N4BP3: variants seen among roughly 807,000 people sequenced by gnomAD.
N4BP3 encodes the protein NEDD4-binding protein 3.
A neutral mutation model predicts 43.8 loss-of-function variants in N4BP3; 33 were observed. That is an observed-to-expected ratio of 0.75 (90% CI 0.57 to 1.01). The LOEUF (loss-of-function observed/expected upper bound fraction) is 1.01. Among genes scored for constraint, N4BP3 ranks in the 50% least tolerant of loss-of-function variants. N4BP3 has a pLI of 0.00. For synonymous variants in N4BP3, 326 were observed against 321.9 expected, an observed-to-expected ratio of 1.01 and a Z score of -0.14; for missense variants, 756 against 744.2, an observed-to-expected ratio of 1.02 and a Z score of -0.18.
In N4BP3 at chr5:178,120,294, G is replaced by T; in HGVS notation, c.447G>T (p.Leu149=). The T allele has an allele frequency of 3.1e-6, 5 of 1,609,274 alleles. No individual in the cohort carries two copies. Among genetic ancestry groups the T allele is most frequent in the Non-Finnish European group, 4.2e-6 (5 of 1,178,076 alleles). ...AGCTGTGGCGCAGCAATGGCAGCCT[G>T]CACACGCTGGCCTGCCACCCGCCCC... ...GQKLWRSNGS[L]HTLACHPPLS... The change falls in exon 3 of 5, where the codon CTG becomes CTT. Residue 149 remains leucine (L), a synonymous_variant. Coordinates refer to ENST00000274605, the MANE Select transcript of N4BP3 (RefSeq NM_015111.2).
intron 1 of N4BP3, among the ~76,000 whole-genome samples, chr5:178,119,153 C>T (rs554917494): frequency 1.1e-3 from 167 of 152,294 alleles, no homozygotes; most frequent in African/African-American, 3.6e-3. Context: ...CGTGAGCCAC[C>T]GCGCCCGGCC....
intron 1 of N4BP3, among the ~76,000 whole-genome samples, chr5:178,116,523 C>T (rs906460552): frequency 4.6e-5 from 7 of 152,134 alleles, no homozygotes; most frequent in African/African-American, 1.7e-4. Context: ...CTGGGCTGCT[C>T]CTGCTTTGTC....
At chr5:178,119,994 G>T in intron 2 of N4BP3, 81 bp downstream of exon 2, 2 of 1,491,890 alleles carry the variant, frequency 1.3e-6, no homozygotes, top group Non-Finnish European at 1.8e-6. Context: ...ATGGGGTGGG[G>T]ACGGGGCATG....
rs757187148 is a variant in N4BP3 at position 178,119,903 on chromosome 5, G to T, written c.320G>T (p.Arg107Leu). 1.9e-6 allele frequency: 3 copies of T among 1,603,576 alleles called. No homozygotes were observed. The South Asian group carries it at 3.3e-5, about 18-fold the overall frequency. The change falls in exon 2 of 5, where the codon CGC becomes CTC. Residue 107 changes from arginine to leucine, a missense_variant. Transcript: ENST00000274605. Reference sequence around the variant, plus strand: ...AAGACCTCGCTGCCAGAACGGGGTCGCTTTGACAAGGTGCACCTTTGCCCA... The same window carrying T: ...AAGACCTCGCTGCCAGAACGGGGTCTCTTTGACAAGGTGCACCTTTGCCCA... ...FSKTSLPERGRFDKCRIRPSV... is the reference protein window; with the variant it reads ...FSKTSLPERGLFDKCRIRPSV...
rs1414905691 is a variant in N4BP3 at position 178,118,958 on chromosome 5, C to T, written c.-30-596C>T. Among the ~76,000 whole-genome samples, 1 of 151,880 alleles carries T rather than the reference C, an allele frequency of 6.6e-6. No homozygotes were observed. The highest frequency in any genetic ancestry group is 2.4e-5 in the African/African-American group (1 of 41,322). ...TCGGCTCACTGCAAGCTCTGCCTCC[C>T]AGGTTCATGCCATTCTCCAGCCTCA... On this transcript the variant is annotated intron_variant, in intron 1 of 4. Coordinates refer to ENST00000274605, the MANE Select transcript of N4BP3 (RefSeq NM_015111.2). This position sits in a 1 kb window ranked among gnomAD's most constrained non-coding sequence, Gnocchi z 5.4.
chr5:178,121,331 A>AGAGGAG lies in N4BP3; in HGVS notation c.1089_1094dup (p.Glu364_Glu365dup). On this transcript the variant is annotated inframe_insertion, in exon 4 of 5. Transcript: ENST00000274605. ...CAGAGGCTGACCCCAGTGCACGACC[A>AGAGGAG]GAGGAGGAAGCCCGATGGGAGGTGA... The AGAGGAG allele has an allele frequency of 6.2e-7, 1 of 1,602,340 alleles. No homozygotes were observed. The highest frequency in any genetic ancestry group is 2.2e-5 in the East Asian group (1 of 44,630).
rs903936469 is a variant in N4BP3 at position 178,123,790 on chromosome 5, T to G, written c.*1789T>G. ...TGGGTTGGAGACAGTGCAGGCCCCT[T>G]CTTGGCCCCACCCTCTACCCCATTC... On this transcript the variant is annotated 3_prime_UTR_variant, in exon 5 of 5. Coordinates refer to ENST00000274605, the MANE Select transcript of N4BP3 (RefSeq NM_015111.2). 3 of 152,884 alleles carry G rather than the reference T, an allele frequency of 2.0e-5. No individual in the cohort carries two copies. The highest frequency in any genetic ancestry group is 7.2e-5 in the African/African-American group (3 of 41,424). The allele number at this position is 152,884 out of a possible 1,614,324, so 9.5% of individuals were successfully genotyped here. A position where few individuals can be genotyped will look rare whatever the true frequency, so the allele number is the denominator to read the frequency against.
chr5:178,117,885 C>T (rs1757809667), intron 1 of N4BP3, among the ~76,000 whole-genome samples: 1 of 152,046 alleles, frequency 6.6e-6, no homozygotes, highest in South Asian at 2.1e-4. Flanking sequence ...GGGGTTGGGG[C>T]AGGTCCCCCT....
At chr5:178,120,103 G>A (rs1208455456) in intron 2 of N4BP3, 75 bp from the exon 3 acceptor site, 14 of 1,514,020 alleles carry the variant, frequency 9.2e-6, no homozygotes, top group East Asian at 9.1e-5. Context: ...CTCAGGGGCT[G>A]TGAGAGCATC....
chr5:178,121,763 A>G lies in N4BP3; in HGVS notation c.1397A>G (p.Glu466Gly). 5 of 1,608,372 alleles carry G rather than the reference A, an allele frequency of 3.1e-6. No homozygotes were observed. Among genetic ancestry groups the G allele is most frequent in the Non-Finnish European group, 3.4e-6 (4 of 1,179,742 alleles). Residue 466 changes from glutamate (E) to glycine (G), a missense_variant, in exon 5 of 5, where the codon GAG becomes GGG. Coordinates refer to ENST00000274605, the MANE Select transcript of N4BP3 (RefSeq NM_015111.2). The stretch of plus-strand genomic sequence containing the variant: ...GGCAGCGAGGCCAGAGACAGTGCTG[A>G]GCAGCTGCGGGCTGAGCTGCTGCAG... ...AGGSEARDSA[E>G]QLRAELLQER... is the part of the protein sequence containing the mutation.
Position 178,121,453 on chromosome 5 carries a change from TG to T in N4BP3, c.1108-20del. The T allele has an allele frequency of 1.2e-6, 2 of 1,613,752 alleles. No homozygotes were observed. Among genetic ancestry groups the T allele is most frequent in the Non-Finnish European group, 1.7e-6 (2 of 1,179,942 alleles). ...CCGGCTCCCCACACCCTACTTTGCTTGCGTCCTCCCCATCCCCCAGGTGTGC... is the reference window on the plus strand; with the variant it reads ...CCGGCTCCCCACACCCTACTTTGCTTCGTCCTCCCCATCCCCCAGGTGTGC... On this transcript the variant is annotated intron_variant, in intron 4 of 4. Transcript: ENST00000274605.
rs372549847 is a variant in N4BP3, at chr5:178,121,635, C to T, written c.1269C>T (p.Arg423=). The part of the protein sequence containing the change: ...QAQDAELVRL[R]EAVRSLQEQA... ...AGGACGCAGAGCTGGTCCGGCTGCG[C>T]GAGGCTGTGCGCAGCCTGCAGGAGC... is the stretch of plus-strand genomic sequence containing the variant. The change falls in exon 5 of 5, where the codon CGC becomes CGT. Residue 423 remains arginine, a synonymous_variant. Coordinates refer to ENST00000274605, the MANE Select transcript of N4BP3 (RefSeq NM_015111.2). 31 of 1,612,564 alleles carry T rather than the reference C, an allele frequency of 1.9e-5. No homozygotes were observed. The highest frequency in any genetic ancestry group is 6.6e-5 in the South Asian group (6 of 91,044).
At chr5:178,119,934 C>T in intron 2 of N4BP3, 21 bp downstream of exon 2, 4 of 1,577,818 alleles carry the variant, frequency 2.5e-6, no homozygotes, top group Non-Finnish European at 3.4e-6. Context: ...GCCCATGCCC[C>T]TTACAAGGTG....
chr5:178,117,155 G>GCGGAGC (rs1414924277), intron 1 of N4BP3, among the ~76,000 whole-genome samples: 1 of 152,138 alleles, frequency 6.6e-6, no homozygotes, highest in Non-Finnish European at 1.5e-5. Flanking sequence ...ATGGCAAAAG[G>GCGGAGC]CGGAGCATTT....
chr5:178,114,959 G>A (rs1364708351), intron 1 of N4BP3, among the ~76,000 whole-genome samples: 2 of 152,212 alleles, frequency 1.3e-5, no homozygotes, highest in African/African-American at 2.4e-5. Context: ...TGCCCATGGA[G>A]GGGAACCCGT....
chr5:178,115,485 C>G (rs567126004), intron 1 of N4BP3, among the ~76,000 whole-genome samples: 158 of 152,346 alleles, frequency 1.0e-3, no homozygotes, highest in African/African-American at 3.8e-3. Flanking sequence ...GTAGCCAGGG[C>G]AGGCAGCACT....
Position 178,121,156 on chromosome 5 carries a change from G to C in N4BP3, c.911G>C (p.Arg304Pro), listed in dbSNP as rs764049092. ...LAELKRLYVERLHEVTQKAER... is the reference protein window; with the variant it reads ...LAELKRLYVEPLHEVTQKAER... The stretch of plus-strand genomic sequence containing the variant: ...GAGCTGAAGCGCCTGTATGTGGAGC[G>C]GCTGCACGAGGTGACCCAGAAGGCT... Residue 304 changes from arginine to proline, a missense_variant, in exon 4 of 5, where the codon CGG becomes CCG. Coordinates refer to ENST00000274605, the MANE Select transcript of N4BP3 (RefSeq NM_015111.2). 2 of 1,600,410 alleles carry C rather than the reference G, an allele frequency of 1.2e-6. No individual in the cohort carries two copies. Among genetic ancestry groups the C allele is most frequent in the Non-Finnish European group, 1.7e-6 (2 of 1,178,516 alleles).
chr5:178,113,562 G>A lies in N4BP3; in HGVS notation c.-240G>A, dbSNP rs923499652. On this transcript the variant is annotated 5_prime_UTR_variant, in exon 1 of 5. Transcript: ENST00000274605. Reference sequence around the variant, plus strand: ...CCCTCCGCCTTTGGGGCAGGCGATCGAGCGCCGCGGAGCGCGTCCCTCCCT... The same window carrying A: ...CCCTCCGCCTTTGGGGCAGGCGATCAAGCGCCGCGGAGCGCGTCCCTCCCT... The A allele has an allele frequency of 6.6e-6, 1 of 151,596 alleles. No homozygotes were observed. The highest frequency in any genetic ancestry group is 2.4e-5 in the African/African-American group (1 of 41,344). 9.4% of individuals were successfully genotyped at this position (151,596 alleles called of 1,614,324 possible). A position where few individuals can be genotyped will look rare whatever the true frequency, so the allele number is the denominator to read the frequency against.
rs1195779869 is a variant in N4BP3, at chr5:178,121,901, T to C, written c.1535T>C (p.Met512Thr). ...CAGCGGGAGATCCAGGGAGGGTACA[T>C]GGACATGTACCGCCGCAACCAGGCA... ...RYQREIQGGYMDMYRRNQALE... is the reference protein window; with the variant it reads ...RYQREIQGGYTDMYRRNQALE... The change falls in exon 5 of 5, where the codon ATG becomes ACG. Residue 512 changes from methionine to threonine, a missense_variant. Physicochemically the swap from Met to Thr is moderately conservative, Grantham distance 81 (BLOSUM62 -1). Coordinates refer to ENST00000274605, the MANE Select transcript of N4BP3 (RefSeq NM_015111.2). 2.5e-6 allele frequency: 4 copies of C among 1,611,434 alleles called. No individual in the cohort carries two copies. Among genetic ancestry groups the C allele is most frequent in the African/African-American group, 2.7e-5 (2 of 74,966 alleles).
Sources: allele counts gnomAD v4.1 joint callset (sites outside exome capture counted in the v4.1 genomes callset), GRCh38; gene constraint gnomAD v4.1.1; non-coding constraint Gnocchi (gnomAD v3.1); transcripts MANE v1.5; gene names NCBI Gene and HGNC (gene_info 2026-07-23, HGNC 2026-07-21).